HMGCLL1: variants seen among roughly 807,000 people sequenced by gnomAD.
HMGCLL1 encodes the protein 3-hydroxy-3-methylglutaryl-CoA lyase like 1, also known as 3-hydroxymethyl-3-methylglutaryl-CoA lyase, cytoplasmic.
HMGCLL1 carries 36 observed loss-of-function variants against 39.1 expected under a neutral mutation model. The observed-to-expected ratio is 0.92, with a 90% confidence interval of 0.71 to 1.22. HMGCLL1 has a LOEUF of 1.22. HMGCLL1 is among the 50% of genes most tolerant of loss of function. The pLI, the probability that HMGCLL1 is intolerant of heterozygous loss-of-function variation, is 0.00. For missense variants in HMGCLL1, 451 were observed against 416.5 expected (o/e 1.08, Z -0.72); for synonymous variants, 149 against 144.0 (o/e 1.03, Z -0.25).
intron 3 of HMGCLL1, among the ~76,000 whole-genome samples, chr6:55,530,671 A>G (rs909878781): frequency 3.3e-5 from 5 of 152,134 alleles, no homozygotes; most frequent in Non-Finnish European, 7.4e-5. Context: ...GTAGGTTTTG[A>G]CATGTAAAAT....
At chr6:55,441,640 G>A (rs915934221) in intron 7 of HMGCLL1, among the ~76,000 whole-genome samples, 1 of 152,030 alleles carries the variant, frequency 6.6e-6, no homozygotes, top group Admixed American at 6.6e-5. Context: ...CCTATGGGCT[G>A]TGACAGTTTC....
At chr6:55,457,571 G>C (rs2127393549) in intron 7 of HMGCLL1, among the ~76,000 whole-genome samples, 1 of 152,228 alleles carries the variant, frequency 6.6e-6, no homozygotes, top group East Asian at 1.9e-4. Flanking sequence ...GTGAATTATA[G>C]AAAAAGTTTG....
chr6:55,495,184 G>A (rs181134763), intron 7 of HMGCLL1, among the ~76,000 whole-genome samples: 188 of 152,260 alleles, frequency 1.2e-3, no homozygotes, highest in African/African-American at 4.3e-3. Flanking sequence ...CTTTTCAAAA[G>A]AATAGATTAC....
At chr6:55,567,899 G>A (rs1024569756) in intron 1 of HMGCLL1, among the ~76,000 whole-genome samples, 1 of 152,110 alleles carries the variant, frequency 6.6e-6, no homozygotes, top group African/African-American at 2.4e-5. Context: ...GGAACTCACA[G>A]CTCCGGTCCC....
At chr6:55,627,333 T>C in the HMGCLL1 span, among the ~76,000 whole-genome samples, 5 of 152,116 alleles carry the variant, frequency 3.3e-5, no homozygotes, top group African/African-American at 1.2e-4. Flanking sequence ...CATTTAAGTA[T>C]GGTTGACTTA....
At chr6:55,624,795 T>C in the HMGCLL1 span, among the ~76,000 whole-genome samples, 1 of 152,098 alleles carries the variant, frequency 6.6e-6, no homozygotes. Flanking sequence ...GTTACTGCAT[T>C]TGGCCCCTCC....
the HMGCLL1 span, among the ~76,000 whole-genome samples, chr6:55,638,217 C>G: frequency 6.6e-6 from 1 of 151,820 alleles, no homozygotes; most frequent in East Asian, 2.0e-4. Context: ...ACTAGCCTGG[C>G]CAACATAGTG....
chr6:55,588,732 T>C, the HMGCLL1 span, among the ~76,000 whole-genome samples: 1 of 152,134 alleles, frequency 6.6e-6, no homozygotes. Flanking sequence ...ATATCACCAC[T>C]GATCCCACAG....
At chr6:55,585,460 A>G in the HMGCLL1 span, among the ~76,000 whole-genome samples, 2 of 152,130 alleles carry the variant, frequency 1.3e-5, no homozygotes, top group South Asian at 4.1e-4. Context: ...CTTCACTTAG[A>G]AAATATTTTA....
At chr6:55,461,734 A>G (rs1159026188) in intron 7 of HMGCLL1, among the ~76,000 whole-genome samples, 1 of 152,114 alleles carries the variant, frequency 6.6e-6, no homozygotes, top group Non-Finnish European at 1.5e-5. Flanking sequence ...CATATTTTAA[A>G]TGTAGGTACA....
chr6:55,531,019 G>C (rs1302525693), intron 3 of HMGCLL1, among the ~76,000 whole-genome samples: 2 of 152,180 alleles, frequency 1.3e-5, no homozygotes, highest in Non-Finnish European at 2.9e-5. Flanking sequence ...AGTACTGCTA[G>C]AAAATACTCA....
chr6:55,556,369 T>A (rs944111608), intron 1 of HMGCLL1, among the ~76,000 whole-genome samples: 2 of 152,172 alleles, frequency 1.3e-5, no homozygotes, highest in African/African-American at 4.8e-5. Flanking sequence ...TGCAAAGCTA[T>A]ACAGACATCC....
intron 6 of HMGCLL1, among the ~76,000 whole-genome samples, chr6:55,498,328 G>A (rs1766696056): frequency 6.6e-6 from 1 of 152,092 alleles, no homozygotes; most frequent in African/African-American, 2.4e-5. Context: ...AATCTGAATT[G>A]TGTTATTTTA....
the HMGCLL1 span, among the ~76,000 whole-genome samples, chr6:55,646,322 A>G: frequency 6.6e-6 from 1 of 151,064 alleles, no homozygotes; most frequent in Admixed American, 6.6e-5. Context: ...TGTCAATTTC[A>G]TTTATCTTTT....
chr6:55,557,377 T>C (rs1770729686), intron 1 of HMGCLL1, among the ~76,000 whole-genome samples: 2 of 151,998 alleles, frequency 1.3e-5, no homozygotes, highest in African/African-American at 2.4e-5. Flanking sequence ...TGGCAGCGCG[T>C]CTGTGCTCCT....
At chr6:55,598,314 AC>A in the HMGCLL1 span, among the ~76,000 whole-genome samples, 1 of 152,292 alleles carries the variant, frequency 6.6e-6, no homozygotes, top group African/African-American at 2.4e-5. Flanking sequence ...GAAAAAAATT[AC>A]AAAAAAAATT....
At chr6:55,490,923 C>T (rs928862012) in intron 7 of HMGCLL1, among the ~76,000 whole-genome samples, 9 of 151,688 alleles carry the variant, frequency 5.9e-5, no homozygotes, top group African/African-American at 2.2e-4. Context: ...ATAAACAATC[C>T]AACCACTTGT....
intron 4 of HMGCLL1, among the ~76,000 whole-genome samples, chr6:55,515,265 A>T (rs1767676855): frequency 6.6e-6 from 1 of 151,972 alleles, no homozygotes; most frequent in African/African-American, 2.4e-5. Flanking sequence ...AAAAAAAAAA[A>T]AAATACATGG....
intron 7 of HMGCLL1, among the ~76,000 whole-genome samples, chr6:55,445,204 T>C (rs1370488462): frequency 2.0e-5 from 3 of 152,014 alleles, no homozygotes; most frequent in African/African-American, 7.2e-5. Context: ...TTATTAAGTG[T>C]GTAATTTTCT....
Sources: gnomAD v4.1 joint callset for allele counts (sites outside exome capture counted in the v4.1 genomes callset) on GRCh38, gnomAD v4.1.1 for gene constraint, MANE v1.5 for transcripts, NCBI Gene and HGNC (gene_info 2026-07-23, HGNC 2026-07-21) for gene names.